OLFM3: variants seen among roughly 807,000 people sequenced by gnomAD.
OLFM3 encodes the protein noelin-3.
Under a neutral mutation model 48.6 loss-of-function variants are expected in OLFM3, and 20 were observed. The ratio of observed to expected loss-of-function variants is 0.41; its 90% CI spans 0.29 to 0.60. OLFM3 has a LOEUF of 0.60. OLFM3 is among the 20% of genes least tolerant of loss of function. OLFM3 has a pLI of 0.28. For synonymous variants in OLFM3, 222 were observed against 198.1 expected (o/e 1.12, Z -1.01); for missense variants, 437 against 544.3 (o/e 0.80, Z 1.96).
At chr1:101,841,061 A>G (rs183639578) in intron 1 of OLFM3, among the ~76,000 whole-genome samples, 1 of 152,340 alleles carries the variant, frequency 6.6e-6, no homozygotes, top group East Asian at 1.9e-4. Flanking sequence ...AATCTGGATT[A>G]TTTGCTTATA....
intron 1 of OLFM3, among the ~76,000 whole-genome samples, chr1:101,838,770 G>A (rs549505514): frequency 2.6e-5 from 4 of 152,266 alleles, no homozygotes; most frequent in Admixed American, 1.3e-4. Context: ...CTAAGCCACC[G>A]CGCTGGGCCA....
chr1:101,986,527 G>A (rs1045426287), intron 1 of OLFM3, among the ~76,000 whole-genome samples: 3 of 152,002 alleles, frequency 2.0e-5, no homozygotes, highest in Non-Finnish European at 2.9e-5. Context: ...CTCTGATTTG[G>A]TATGATTTCT....
chr1:101,925,444 G>T (rs931440071), intron 1 of OLFM3, among the ~76,000 whole-genome samples: 3 of 151,688 alleles, frequency 2.0e-5, no homozygotes, highest in African/African-American at 7.3e-5. Context: ...TTCTACCATA[G>T]TACTCATCAT....
intron 1 of OLFM3, among the ~76,000 whole-genome samples, chr1:101,926,256 C>T (rs1177923315): frequency 2.0e-5 from 3 of 152,166 alleles, no homozygotes; most frequent in Non-Finnish European, 4.4e-5. Context: ...TTTCTTTCTA[C>T]GGCAACAGAG....
intron 1 of OLFM3, among the ~76,000 whole-genome samples, chr1:101,886,145 T>G (rs779718873): frequency 6.6e-6 from 1 of 151,966 alleles, no homozygotes; most frequent in Non-Finnish European, 1.5e-5. Flanking sequence ...TTAAAAAAAT[T>G]TTGAGTTTTT....
intron 1 of OLFM3, among the ~76,000 whole-genome samples, chr1:101,920,344 G>A (rs1659055720): frequency 6.6e-6 from 1 of 152,090 alleles, no homozygotes; most frequent in Admixed American, 6.6e-5. Flanking sequence ...TCAACTCACA[G>A]GTTTTCACAT....
At chr1:101,941,010 G>A (rs1659778837) in intron 1 of OLFM3, among the ~76,000 whole-genome samples, 1 of 152,052 alleles carries the variant, frequency 6.6e-6, no homozygotes, top group Non-Finnish European at 1.5e-5. Context: ...AAAATGCAAG[G>A]AGTTGCTTCA....
At chr1:101,893,437 G>C (rs1318286143) in intron 1 of OLFM3, 2 of 293,102 alleles carry the variant, frequency 6.8e-6, no homozygotes, top group Non-Finnish European at 1.4e-5. Context: ...AGATAGTTTT[G>C]GGAGAAGACG....
intron 1 of OLFM3, among the ~76,000 whole-genome samples, chr1:101,912,319 G>A (rs1658787379): frequency 6.6e-6 from 1 of 152,170 alleles, no homozygotes; most frequent in Admixed American, 6.6e-5. Context: ...TAGGAGATCT[G>A]GGCCAGAGGA....
intron 1 of OLFM3, among the ~76,000 whole-genome samples, chr1:101,871,124 G>C (rs1657067988): frequency 6.6e-6 from 1 of 151,818 alleles, no homozygotes; most frequent in Admixed American, 6.6e-5. Flanking sequence ...CAAACTCCTT[G>C]ACAGCAGGAA....
At chr1:101,982,641 A>G (rs1265834282) in intron 1 of OLFM3, among the ~76,000 whole-genome samples, 4 of 152,206 alleles carry the variant, frequency 2.6e-5, no homozygotes, top group Admixed American at 2.6e-4. Flanking sequence ...AATCTGGTGC[A>G]GGCCTGCATA....
At chr1:101,897,657 T>G (rs1658251301) in intron 1 of OLFM3, among the ~76,000 whole-genome samples, 3 of 152,138 alleles carry the variant, frequency 2.0e-5, no homozygotes, top group Admixed American at 6.5e-5. Context: ...ACTAAATGTT[T>G]AAATATAATA....
intron 1 of OLFM3, among the ~76,000 whole-genome samples, chr1:101,961,802 G>T (rs1660475306): frequency 6.6e-6 from 1 of 152,072 alleles, no homozygotes; most frequent in Admixed American, 6.6e-5. Context: ...TTCACAAGAG[G>T]TAAGTTACAC....
At chr1:101,850,803 A>C (rs1557702280) in intron 1 of OLFM3, among the ~76,000 whole-genome samples, 1 of 152,144 alleles carries the variant, frequency 6.6e-6, no homozygotes, top group Non-Finnish European at 1.5e-5. Context: ...CTTTATTTTT[A>C]TTATTTAAAA....
chr1:101,829,161 G>A (rs955279001), intron 3 of OLFM3, among the ~76,000 whole-genome samples: 1 of 152,256 alleles, frequency 6.6e-6, no homozygotes, highest in East Asian at 1.9e-4. Context: ...GTATGTGCTC[G>A]ATAAATACTG....
Position 101,957,464 on chromosome 1 carries a change from A to G in OLFM3, c.69+39284T>C, listed in dbSNP as rs866376805. Reference sequence around the variant, plus strand: ...TGGGAAAAAGCTGGAAAGACAAAAGATATTTGGAAGGCAAAATCAAGAGAA... The same window carrying G: ...TGGGAAAAAGCTGGAAAGACAAAAGGTATTTGGAAGGCAAAATCAAGAGAA... On this transcript the variant is annotated intron_variant, in intron 1 of 5. Transcript: ENST00000370103. 3.9e-5 allele frequency among the ~76,000 whole-genome samples: 6 copies of G among 152,054 alleles called. No homozygotes were observed. The South Asian group carries it at 1.0e-3, about 26-fold the overall frequency.
chr1:101,907,646 G>A (rs947690420), intron 1 of OLFM3, among the ~76,000 whole-genome samples: 5 of 152,196 alleles, frequency 3.3e-5, no homozygotes, highest in African/African-American at 1.2e-4. Flanking sequence ...AACATTACAT[G>A]TCATTAGCAT....
At chr1:101,907,080 A>T (rs1287057596) in intron 1 of OLFM3, among the ~76,000 whole-genome samples, 1 of 152,204 alleles carries the variant, frequency 6.6e-6, no homozygotes. Context: ...GAGCTACAAG[A>T]TAAATGTGAC....
At chr1:101,879,850 C>T (rs1227460491) in intron 1 of OLFM3, among the ~76,000 whole-genome samples, 1 of 151,724 alleles carries the variant, frequency 6.6e-6, no homozygotes, top group Non-Finnish European at 1.5e-5. Flanking sequence ...GGCCAAATAA[C>T]ACCCTAAAAT....
Sources: allele counts gnomAD v4.1 joint callset (sites outside exome capture counted in the v4.1 genomes callset), GRCh38; gene constraint gnomAD v4.1.1; transcripts MANE v1.5; gene names NCBI Gene and HGNC (gene_info 2026-07-23, HGNC 2026-07-21).